Variants in SCIMP observed in about 807,000 individuals in gnomAD.
SCIMP encodes SLP adapter and CSK-interacting membrane protein.
SCIMP carries 18 observed loss-of-function variants against 22.0 expected under a neutral mutation model. The ratio of observed to expected loss-of-function variants is 0.82; its 90% confidence interval spans 0.56 to 1.21. SCIMP has a LOEUF of 1.21. Ranked by LOEUF, SCIMP falls within the 50% of genes most tolerant of loss-of-function variation. The pLI is 0.00. For missense variants in SCIMP, 155 were observed against 171.2 expected (o/e 0.91, Z 0.53); for synonymous variants, 53 against 62.2 (o/e 0.85, Z 0.70).
At chr17:5,234,612 G>A (rs933636152) in intron 1 of SCIMP, 123 bp downstream of exon 1, 1 of 999,710 alleles carries the variant, frequency 1.0e-6, no homozygotes, top group African/African-American at 1.6e-5. Flanking sequence ...CAGGGCCCCA[G>A]GCTGCAATCC....
intron 1 of SCIMP, among the ~76,000 whole-genome samples, chr17:5,230,753 T>G (rs573723677): frequency 6.6e-6 from 1 of 151,958 alleles, no homozygotes; most frequent in Admixed American, 6.6e-5. Flanking sequence ...AGACTTTCTC[T>G]CTACTGAAAA....
chr17:5,212,961 A>T, intron 4 of SCIMP: 1 of 152,576 alleles, frequency 6.6e-6, no homozygotes, highest in Non-Finnish European at 1.2e-5. Flanking sequence ...CAGTTTCATA[A>T]AGGAAATTAG....
At chr17:5,227,385 G>A (rs183599456) in intron 1 of SCIMP, among the ~76,000 whole-genome samples, 1 of 151,714 alleles carries the variant, frequency 6.6e-6, no homozygotes, top group African/African-American at 2.4e-5. Flanking sequence ...AGGAGGTTAA[G>A]CTCCTCCTCA....
At chr17:5,232,922 G>A (rs1200318832) in intron 1 of SCIMP, among the ~76,000 whole-genome samples, 2 of 152,062 alleles carry the variant, frequency 1.3e-5, no homozygotes, top group African/African-American at 4.8e-5. Flanking sequence ...ATGTTGGCCT[G>A]GCTGGTCTCA....
In SCIMP at chr17:5,212,381, TC is replaced by T. The variant is rs563729263; in HGVS notation, c.284-1427del. ...CGGGCGCGGTGGCTCACGCCTGTAA[TC>T]CCAGCACTTTGGGAGGCTGAGGTGG... On this transcript the variant is annotated intron_variant, in intron 4 of 4. Coordinates refer to ENST00000574081, the MANE Select transcript of SCIMP (RefSeq NM_207103.3). 4.4e-4 allele frequency among the ~76,000 whole-genome samples: 67 copies of T among 151,984 alleles called. 1 individual carries two copies. The highest frequency in any genetic ancestry group is 3.4e-3 in the Middle Eastern group (1 of 294).
intron 1 of SCIMP, among the ~76,000 whole-genome samples, chr17:5,227,864 T>C (rs765051368): frequency 1.0e-4 from 10 of 98,446 alleles, no homozygotes; most frequent in Non-Finnish European, 2.9e-4. Flanking sequence ...GGGATGTCAC[T>C]ACCCCCTGCA....
Position 5,223,369 on chromosome 17 carries a change from TGAGGCCCA to T in SCIMP, c.101_108del (p.Leu34HisfsTer7), listed in dbSNP as rs769277839. 4.3e-6 allele frequency: 7 copies of T among 1,613,714 alleles called. No homozygotes were observed. In the African/African-American group the frequency reaches 8.0e-5, roughly 18 times the overall value. ...TGCCACTTACAGACACAGTACAGGA[TGAGGCCCA>T]GACCCACAGAGACAACGATGATGGC... On this transcript the variant is annotated frameshift_variant, in exon 2 of 5. Coordinates refer to ENST00000574081, the MANE Select transcript of SCIMP (RefSeq NM_207103.3). LOFTEE classifies it high-confidence loss of function.
At chr17:5,211,431 A>G (rs1334061019) in intron 4 of SCIMP, among the ~76,000 whole-genome samples, 2 of 151,668 alleles carry the variant, frequency 1.3e-5, no homozygotes, top group Non-Finnish European at 2.9e-5. Context: ...GGCTGAGGCA[A>G]GAGGATTTCC....
chr17:5,221,042 A>G (rs1283607206), intron 3 of SCIMP: 10 of 607,006 alleles, frequency 1.6e-5, no homozygotes, highest in Non-Finnish European at 2.7e-5. Flanking sequence ...TGGGCGACAG[A>G]GCAAGACTCC....
rs1555614638 is a variant in SCIMP at position 5,227,323 on chromosome 17, A to ACT, written c.22-3869_22-3868dup. 2.7e-3 allele frequency among the ~76,000 whole-genome samples: 394 copies of ACT among 148,660 alleles called. 1 individual carries two copies. The highest frequency in any genetic ancestry group is 4.5e-3 in the East Asian group (23 of 5,090). On this transcript the variant is annotated intron_variant, in intron 1 of 4. Coordinates refer to ENST00000574081, the MANE Select transcript of SCIMP (RefSeq NM_207103.3). Reference sequence around the variant, plus strand: ...CACACACACACACACACACACACACACTCTTACACTTAGCCAGGTGTGGCG... The same window carrying ACT: ...CACACACACACACACACACACACACACTCTCTTACACTTAGCCAGGTGTGGCG...
At chr17:5,234,252 CAA>C (rs1395873631) in intron 1 of SCIMP, among the ~76,000 whole-genome samples, 2 of 152,174 alleles carry the variant, frequency 1.3e-5, no homozygotes, top group South Asian at 2.1e-4. Flanking sequence ...GCCTGGGCGA[CAA>C]GAGCGAAACT....
chr17:5,231,035 A>T (rs1194271283), intron 1 of SCIMP, among the ~76,000 whole-genome samples: 1 of 152,102 alleles, frequency 6.6e-6, no homozygotes, highest in East Asian at 1.9e-4. Flanking sequence ...CATCTCTGAC[A>T]TATAGGTCAT....
chr17:5,222,646 T>G (rs555477634), intron 2 of SCIMP, among the ~76,000 whole-genome samples: 4 of 152,066 alleles, frequency 2.6e-5, no homozygotes, highest in Non-Finnish European at 5.9e-5. Flanking sequence ...GAGTCCATAT[T>G]TTATTCCTCA....
chr17:5,228,321 G>A (rs1361765189), intron 1 of SCIMP, among the ~76,000 whole-genome samples: 1 of 147,590 alleles, frequency 6.8e-6, no homozygotes, highest in Non-Finnish European at 1.5e-5. Flanking sequence ...ACTGCAGCCT[G>A]GGTGACAGAG....
At chr17:5,227,240 T>C (rs1047383247) in intron 1 of SCIMP, among the ~76,000 whole-genome samples, 16 of 151,448 alleles carry the variant, frequency 1.1e-4, no homozygotes, top group Non-Finnish European at 2.1e-4. Context: ...CAGGAGTTCA[T>C]GATCAGCTTG....
chr17:5,213,187 T>A, intron 4 of SCIMP: 1 of 985,044 alleles, frequency 1.0e-6, no homozygotes, highest in Admixed American at 6.2e-5. Context: ...GATTTGAACA[T>A]GAATTTACAC....
At position 5,209,313 on chromosome 17, in the gene SCIMP, T is replaced by C. The variant is rs1316005224; in HGVS notation, c.*1488A>G. Reference sequence around the variant, plus strand: ...CCATGCCTGACTAATTTTGTATTTTTAGTAGAAATGGGGTTTCTCCATGTT... The same window carrying C: ...CCATGCCTGACTAATTTTGTATTTTCAGTAGAAATGGGGTTTCTCCATGTT... On this transcript the variant is annotated 3_prime_UTR_variant, in exon 5 of 5. Transcript: ENST00000574081. 6.6e-6 allele frequency: 1 copy of C among 152,190 alleles called. No individual in the cohort carries two copies. The highest frequency in any genetic ancestry group is 6.5e-5 in the Admixed American group (1 of 15,272). 9.4% of individuals were successfully genotyped at this position (152,190 alleles called of 1,614,324 possible). A position where few individuals can be genotyped will look rare whatever the true frequency, so the allele number is the denominator to read the frequency against.
At position 5,215,000 on chromosome 17, in the gene SCIMP, TAG is replaced by T. The variant is rs1422968818; in HGVS notation, c.210-4_210-3del. ...ACTGGCGACTCATTAAGAACATTCC[TAG>T]AGAGAGAGAAAGAGAGAGAATCAGT... On this transcript the variant is annotated splice_region_variant and splice_polypyrimidine_tract_variant and intron_variant, in intron 3 of 4. Transcript: ENST00000574081. 1.4e-5 allele frequency: 22 copies of T among 1,599,680 alleles called. No individual in the cohort carries two copies. The highest frequency in any genetic ancestry group is 4.5e-5 in the East Asian group (2 of 44,830).
chr17:5,225,964 T>TG lies in SCIMP; in HGVS notation c.22-2509dup, dbSNP rs1265651031. On this transcript the variant is annotated intron_variant, in intron 1 of 4. Transcript: ENST00000574081. ...ATTGAATTGGAGAACACCCAGCTGG[T>TG]GTTCACTGCTTGGTGTGTGGCGGAA... is the stretch of plus-strand genomic sequence containing the variant. 2.0e-5 allele frequency among the ~76,000 whole-genome samples: 3 copies of TG among 152,044 alleles called. No individual in the cohort carries two copies. The East Asian group carries it at 5.8e-4, about 29-fold the overall frequency.
Sources: gnomAD v4.1 joint callset for allele counts (sites outside exome capture counted in the v4.1 genomes callset) on GRCh38, gnomAD v4.1.1 for gene constraint, MANE v1.5 for transcripts, NCBI Gene and HGNC (gene_info 2026-07-23, HGNC 2026-07-21) for gene names.